FARS2: variants seen among roughly 807,000 people sequenced by gnomAD.
FARS2 encodes the protein phenylalanine--tRNA ligase, mitochondrial.
In FARS2, 40 loss-of-function variants were observed where a neutral mutation model predicts 46.4. That is an observed-to-expected ratio of 0.86 (90% confidence interval 0.67 to 1.12). The LOEUF (loss-of-function observed/expected upper bound fraction) is 1.12. Among genes scored for constraint, FARS2 ranks in the 50% most tolerant of loss-of-function variants. FARS2 has a pLI of 0.00. For synonymous variants in FARS2, 234 were observed against 214.9 expected (o/e 1.09, Z -0.78); for missense variants, 513 against 567.9 (o/e 0.90, Z 0.98).
chr6:5,561,982 G>C (rs1197518258), intron 5 of FARS2, among the ~76,000 whole-genome samples: 1 of 151,670 alleles, frequency 6.6e-6, no homozygotes, highest in Non-Finnish European at 1.5e-5. Flanking sequence ...TTTAATTTCT[G>C]TCTGATTTTG....
intron 5 of FARS2, among the ~76,000 whole-genome samples, chr6:5,553,502 A>G (rs1049301961): frequency 6.6e-6 from 1 of 152,216 alleles, no homozygotes; most frequent in South Asian, 2.1e-4. Flanking sequence ...TATATTATGT[A>G]TGTGGCTCAA....
chr6:5,392,951 T>A (rs965030240), intron 2 of FARS2, among the ~76,000 whole-genome samples: 1 of 116,196 alleles, frequency 8.6e-6, no homozygotes, highest in Non-Finnish European at 2.0e-5. Flanking sequence ...TATATATATA[T>A]ACACATAAAA....
At chr6:5,431,230 G>C in intron 4 of FARS2, 58 bp downstream of exon 4, 1 of 1,578,970 alleles carries the variant, frequency 6.3e-7, no homozygotes, top group Non-Finnish European at 8.7e-7. Context: ...TCCCTTCTCA[G>C]GCAGCCCCGT....
intron 6 of FARS2, among the ~76,000 whole-genome samples, chr6:5,734,207 GCCAAAGAGA>G (rs1760808564): frequency 6.6e-6 from 1 of 152,142 alleles, no homozygotes. Flanking sequence ...TGTCCTAAAG[GCCAAAGAGA>G]CCTCTTCCTG....
chr6:5,302,485 A>T (rs1205356642), intron 1 of FARS2, among the ~76,000 whole-genome samples: 1 of 152,194 alleles, frequency 6.6e-6, no homozygotes, highest in Non-Finnish European at 1.5e-5. Context: ...GAAGTTAAAA[A>T]AAAATGTGCC....
At chr6:5,367,133 T>G (rs771962763) in intron 1 of FARS2, among the ~76,000 whole-genome samples, 16 of 152,226 alleles carry the variant, frequency 1.1e-4, no homozygotes, top group Non-Finnish European at 2.4e-4. Context: ...GCAGCTAGAT[T>G]TCCTCAGTTC....
rs763967592 is a variant in FARS2, at chr6:5,630,671, G to T, written c.1217+17351G>T. 4.6e-4 allele frequency among the ~76,000 whole-genome samples: 70 copies of T among 152,194 alleles called. No individual in the cohort carries two copies. The highest frequency in any genetic ancestry group is 1.0e-4 in the Non-Finnish European group (7 of 68,040). Reference sequence around the variant, plus strand: ...CTCGTATAGCTCACTTGAAGGGTGGGATAAGATGGCTGAAAGCGCTCCTGT... The same window carrying T: ...CTCGTATAGCTCACTTGAAGGGTGGTATAAGATGGCTGAAAGCGCTCCTGT... On this transcript the variant is annotated intron_variant, in intron 6 of 6. Transcript: ENST00000274680. The surrounding 1 kb of genome is among the most constrained non-coding windows in gnomAD (Gnocchi z 4.2).
chr6:5,592,162 A>G (rs1288867185), intron 5 of FARS2, among the ~76,000 whole-genome samples: 1 of 152,192 alleles, frequency 6.6e-6, no homozygotes, highest in Non-Finnish European at 1.5e-5. Context: ...AGGTGGGAAG[A>G]CTGCTTGAGC....
chr6:5,287,524 G>A (rs951148416), intron 1 of FARS2, among the ~76,000 whole-genome samples: 4 of 152,066 alleles, frequency 2.6e-5, no homozygotes, highest in African/African-American at 9.7e-5. Context: ...CCTGAAATTA[G>A]CCTGCCCCTG....
intron 5 of FARS2, among the ~76,000 whole-genome samples, chr6:5,549,128 C>T (rs1004944593): frequency 6.0e-5 from 9 of 150,634 alleles, no homozygotes; most frequent in Non-Finnish European, 8.9e-5. Context: ...GTCAGCAGGG[C>T]TGACTCCTTC....
intron 5 of FARS2, among the ~76,000 whole-genome samples, chr6:5,590,623 A>G (rs563420305): frequency 1.3e-5 from 2 of 152,234 alleles, no homozygotes; most frequent in African/African-American, 4.8e-5. Flanking sequence ...ATTCACATTC[A>G]TCTTTTACCC....
intron 4 of FARS2, among the ~76,000 whole-genome samples, chr6:5,449,407 T>C (rs1465600603): frequency 6.6e-6 from 1 of 151,556 alleles, no homozygotes; most frequent in African/African-American, 2.4e-5. Context: ...TAAGATTTTT[T>C]ATATATGTGT....
intron 1 of FARS2, among the ~76,000 whole-genome samples, chr6:5,323,893 G>A (rs1477644559): frequency 1.3e-5 from 2 of 152,122 alleles, no homozygotes; most frequent in Non-Finnish European, 2.9e-5. Flanking sequence ...AACCAGAAAC[G>A]TTCCAAACTC....
At chr6:5,253,203 G>T in the FARS2 span, among the ~76,000 whole-genome samples, 2 of 152,102 alleles carry the variant, frequency 1.3e-5, no homozygotes, top group Non-Finnish European at 2.9e-5. Flanking sequence ...GTATGCATTT[G>T]GGCATCACTT....
chr6:5,705,025 A>G (rs952771773), intron 6 of FARS2, among the ~76,000 whole-genome samples: 9 of 152,158 alleles, frequency 5.9e-5, no homozygotes. Context: ...ATTATTATTA[A>G]TATAAAACAC....
intron 6 of FARS2, among the ~76,000 whole-genome samples, chr6:5,735,197 A>G (rs924102423): frequency 6.6e-6 from 1 of 152,238 alleles, no homozygotes; most frequent in African/African-American, 2.4e-5. Flanking sequence ...AATTACATCT[A>G]TGCAATATGT....
At chr6:5,632,138 A>T (rs6597155) in intron 6 of FARS2, among the ~76,000 whole-genome samples, 1 of 151,450 alleles carries the variant, frequency 6.6e-6, no homozygotes, top group Admixed American at 6.6e-5. Context: ...AAAAATTCAG[A>T]AACTGTATCT....
At chr6:5,522,431 C>G (rs1420911892) in intron 4 of FARS2, among the ~76,000 whole-genome samples, 1 of 152,152 alleles carries the variant, frequency 6.6e-6, no homozygotes, top group African/African-American at 2.4e-5. Flanking sequence ...TCTTACTGGC[C>G]CAGATGTGAC....
intron 4 of FARS2, among the ~76,000 whole-genome samples, chr6:5,465,338 G>A (rs1765454280): frequency 6.6e-6 from 1 of 152,170 alleles, no homozygotes; most frequent in African/African-American, 2.4e-5. Context: ...GGTTAGCAAG[G>A]TGGTTGGTTG....
Sources: allele counts gnomAD v4.1 joint callset (sites outside exome capture counted in the v4.1 genomes callset), GRCh38; gene constraint gnomAD v4.1.1; non-coding constraint Gnocchi (gnomAD v3.1); transcripts MANE v1.5; gene names NCBI Gene and HGNC (gene_info 2026-07-23, HGNC 2026-07-21).